The following WDFY4 variants were observed in gnomAD, a reference collection of about 807,000 sequenced individuals.
WDFY4 encodes the protein WD repeat- and FYVE domain-containing protein 4.
Under a neutral mutation model 351.9 loss-of-function variants are expected in WDFY4, and 169 were observed. That is an observed-to-expected ratio of 0.48 (90% CI 0.42 to 0.55). The LOEUF (loss-of-function observed/expected upper bound fraction) is 0.55, where lower values mean the gene tolerates loss of function less well. Ranked by LOEUF, WDFY4 falls within the 20% of genes least tolerant of loss-of-function variation. The pLI is 0.00. For missense variants in WDFY4, 3,803 were observed against 3,935.6 expected, an observed-to-expected ratio of 0.97 and a Z score of 0.90; for synonymous variants, 1,622 against 1,574.6, an observed-to-expected ratio of 1.03 and a Z score of -0.71.
At chr10:48,739,539 T>A (rs1026401695) in intron 11 of WDFY4, among the ~76,000 whole-genome samples, 1 of 152,246 alleles carries the variant, frequency 6.6e-6, no homozygotes, top group Admixed American at 6.5e-5. Context: ...TCCTTTATGA[T>A]AGAAATGTTT....
intron 52 of WDFY4, 60 bp downstream of exon 52, chr10:48,957,342 C>A: frequency 6.5e-7 from 1 of 1,526,898 alleles, no homozygotes; most frequent in Non-Finnish European, 8.9e-7. Flanking sequence ...TTCCCACAGC[C>A]CCTGGGTGAT....
chr10:48,870,974 C>G (rs1464355050), intron 40 of WDFY4, among the ~76,000 whole-genome samples: 1 of 152,052 alleles, frequency 6.6e-6, no homozygotes, highest in Non-Finnish European at 1.5e-5. Context: ...CGCTCCTTCC[C>G]CCAGGCTGGA....
chr10:48,887,680 G>A (rs558367136), intron 43 of WDFY4, among the ~76,000 whole-genome samples: 2 of 152,054 alleles, frequency 1.3e-5, no homozygotes, highest in East Asian at 1.9e-4. Flanking sequence ...TCAGGAGACT[G>A]AGGCAGGAGA....
At chr10:48,889,509 T>C (rs1380296694) in intron 43 of WDFY4, among the ~76,000 whole-genome samples, 1 of 146,936 alleles carries the variant, frequency 6.8e-6, no homozygotes, top group South Asian at 2.2e-4. Flanking sequence ...ATTTTTTTTC[T>C]CCCAAACATA....
intron 7 of WDFY4, among the ~76,000 whole-genome samples, chr10:48,728,307 G>A (rs981728274): frequency 7.2e-5 from 11 of 152,206 alleles, no homozygotes; most frequent in African/African-American, 2.4e-4. Flanking sequence ...GCAGGGCCTG[G>A]GCTGGCTCCT....
chr10:48,787,883 TTCTTCTTCTCCTTCTTC>T lies in WDFY4; in HGVS notation c.3809-645_3809-629del, dbSNP rs1454169500. 4.8e-4 allele frequency among the ~76,000 whole-genome samples: 43 copies of T among 90,036 alleles called. 2 individuals carry two copies. The highest frequency in any genetic ancestry group is 1.7e-3 in the African/African-American group (21 of 12,044). The allele number at this position is 90,036 out of a possible 152,430, so 59.1% of individuals were successfully genotyped here. A position where few individuals can be genotyped will look rare whatever the true frequency, so the allele number is the denominator to read the frequency against. On this transcript the variant is annotated intron_variant, in intron 20 of 61. Transcript: ENST00000325239. ...TTTCTTCTTCTTTCTTCTTTCTTTC[TTCTTCTTCTCCTTCTTC>T]TTCTTCTTCTTCTTCTTCTTCTTCT...
intron 1 of WDFY4, among the ~76,000 whole-genome samples, chr10:48,691,499 T>C (rs2063195246): frequency 6.6e-6 from 1 of 152,086 alleles, no homozygotes; most frequent in Non-Finnish European, 1.5e-5. Context: ...CCTGGCTCCA[T>C]CATGGCAGCC....
intron 3 of WDFY4, among the ~76,000 whole-genome samples, chr10:48,720,421 A>C (rs908853623): frequency 2.0e-5 from 3 of 152,048 alleles, no homozygotes; most frequent in Non-Finnish European, 2.9e-5. Flanking sequence ...GATGCTATAC[A>C]CACACAGACA....
At chr10:48,913,469 C>G (rs375365791) in intron 47 of WDFY4, 14 of 1,606,574 alleles carry the variant, frequency 8.7e-6, no homozygotes, top group Non-Finnish European at 1.2e-5. Flanking sequence ...TCGGTGTCGT[C>G]GTGGCCATGT....
At chr10:48,847,872 A>G (rs998358076) in intron 39 of WDFY4, among the ~76,000 whole-genome samples, 5 of 152,234 alleles carry the variant, frequency 3.3e-5, no homozygotes, top group African/African-American at 9.6e-5. Context: ...CGTTCATCTC[A>G]GAAATTAATA....
chr10:48,860,255 A>G (rs1161949901), intron 39 of WDFY4, among the ~76,000 whole-genome samples: 1 of 152,050 alleles, frequency 6.6e-6, no homozygotes, highest in Non-Finnish European at 1.5e-5. Context: ...GTAGGAATTT[A>G]GATTATTTAT....
intron 31 of WDFY4, among the ~76,000 whole-genome samples, chr10:48,815,774 C>T (rs952710763): frequency 3.3e-5 from 5 of 151,806 alleles, no homozygotes; most frequent in African/African-American, 1.2e-4. Context: ...TGATGAATTA[C>T]ATCAATAGAT....
intron 20 of WDFY4, among the ~76,000 whole-genome samples, chr10:48,787,922 TTC>T (rs2066514368): frequency 5.4e-5 from 4 of 74,138 alleles, no homozygotes; most frequent in African/African-American, 2.5e-4. Context: ...CTTCTTCTTC[TTC>T]TTCTTCTTCT....
chr10:48,726,387 G>T (rs926080534), intron 6 of WDFY4, among the ~76,000 whole-genome samples: 1 of 152,164 alleles, frequency 6.6e-6, no homozygotes, highest in Admixed American at 6.5e-5. Context: ...TATCTTGCTT[G>T]TTTCTTTGAG....
chr10:48,783,970 A>C (rs1438503966), intron 19 of WDFY4, among the ~76,000 whole-genome samples: 1 of 152,272 alleles, frequency 6.6e-6, no homozygotes, highest in Non-Finnish European at 1.5e-5. Context: ...GCACACAGCA[A>C]TATATGGAAG....
chr10:48,695,695 G>A (rs1456478020), intron 1 of WDFY4, among the ~76,000 whole-genome samples: 1 of 152,136 alleles, frequency 6.6e-6, no homozygotes, highest in Non-Finnish European at 1.5e-5. Flanking sequence ...AGTTTGGAGA[G>A]GCTCACCACC....
At chr10:48,913,575 C>T in intron 47 of WDFY4, 1 of 1,614,130 alleles carries the variant, frequency 6.2e-7, no homozygotes, top group Non-Finnish European at 8.5e-7. Flanking sequence ...GTTCTCCAGC[C>T]TCCTGATGGA....
At chr10:48,787,810 T>C (rs11101478) in intron 20 of WDFY4, among the ~76,000 whole-genome samples, 16,352 of 42,536 alleles carry the variant, frequency 0.38, 2,459 homozygotes, top group African/African-American at 0.48. Context: ...CCTCCTCCTC[T>C]TCTTCTTCTT....
At chr10:48,898,803 G>A (rs1007764393) in intron 45 of WDFY4, among the ~76,000 whole-genome samples, 8 of 152,278 alleles carry the variant, frequency 5.3e-5, no homozygotes, top group African/African-American at 1.9e-4. Flanking sequence ...AGAGCAGAGT[G>A]GAAGTAGCAG....
Sources: allele counts gnomAD v4.1 joint callset (sites outside exome capture counted in the v4.1 genomes callset), GRCh38; gene constraint gnomAD v4.1.1; transcripts MANE v1.5; gene names NCBI Gene and HGNC (gene_info 2026-07-23, HGNC 2026-07-21).